KCNIP1: variants seen among roughly 807,000 people sequenced by gnomAD.
KCNIP1 encodes the protein A-type potassium channel modulatory protein KCNIP1.
Under a neutral mutation model 33.0 loss-of-function variants are expected in KCNIP1, and 18 were observed. The observed-to-expected ratio is 0.55, with a 90% CI of 0.38 to 0.81. KCNIP1 has a LOEUF of 0.81. KCNIP1 is among the 30% of genes least tolerant of loss of function. KCNIP1 has a pLI of 0.00. For missense variants in KCNIP1, 238 were observed against 271.6 expected (o/e 0.88, Z 0.87); for synonymous variants, 93 against 98.3 (o/e 0.95, Z 0.32).
chr5:170,584,038 C>A (rs997632238), intron 1 of KCNIP1, among the ~76,000 whole-genome samples: 9 of 152,140 alleles, frequency 5.9e-5, no homozygotes, highest in African/African-American at 1.2e-4. Context: ...GGGGCTGGAA[C>A]CCCCATCTGT....
chr5:170,572,118 A>G (rs1168770239), intron 1 of KCNIP1, among the ~76,000 whole-genome samples: 3 of 152,150 alleles, frequency 2.0e-5, no homozygotes, highest in Non-Finnish European at 4.4e-5. Context: ...CTGCTTCTCA[A>G]CCTCAGCCTG....
intron 1 of KCNIP1, among the ~76,000 whole-genome samples, chr5:170,624,733 G>GGGGGGGGGT: frequency 1.5e-5 from 1 of 67,480 alleles, no homozygotes; most frequent in East Asian, 6.3e-4. Context: ...CCGGGGAGGT[G>GGGGGGGGGT]GGGGGGGAGA....
At chr5:170,651,004 C>T (rs1237441180) in intron 1 of KCNIP1, among the ~76,000 whole-genome samples, 1 of 152,158 alleles carries the variant, frequency 6.6e-6, no homozygotes, top group Non-Finnish European at 1.5e-5. Flanking sequence ...AGCTTCTGAA[C>T]CCAAAGGAAT....
chr5:170,561,105 C>T (rs1182089727), intron 1 of KCNIP1: 1 of 456,048 alleles, frequency 2.2e-6, no homozygotes, highest in Admixed American at 2.3e-5. Context: ...CAAAGGGCAT[C>T]TGTAATTAAT....
intron 1 of KCNIP1, among the ~76,000 whole-genome samples, chr5:170,628,348 C>T (rs1759918465): frequency 6.6e-6 from 1 of 152,186 alleles, no homozygotes; most frequent in Non-Finnish European, 1.5e-5. Context: ...ATCCTCACAA[C>T]AGCCCACACT....
chr5:170,354,952 G>A (rs1763306183), intron 1 of KCNIP1, among the ~76,000 whole-genome samples: 1 of 152,198 alleles, frequency 6.6e-6, no homozygotes, highest in South Asian at 2.1e-4. Context: ...TTCAGGGAAG[G>A]AGCCCACAAA....
intron 1 of KCNIP1, chr5:170,385,205 G>T: frequency 8.3e-7 from 1 of 1,204,800 alleles, no homozygotes; most frequent in Non-Finnish European, 1.2e-6. Context: ...TGACCCTGCT[G>T]CCTTGAATGA....
chr5:170,517,770 ATGG>A (rs1181668056), intron 1 of KCNIP1, among the ~76,000 whole-genome samples: 2 of 144,604 alleles, frequency 1.4e-5, no homozygotes, highest in African/African-American at 2.7e-5. Flanking sequence ...GATGGTAGTG[ATGG>A]TGGTGGTGGT....
At chr5:170,387,256 A>C (rs1764513300) in intron 1 of KCNIP1, among the ~76,000 whole-genome samples, 2 of 152,212 alleles carry the variant, frequency 1.3e-5, no homozygotes, top group South Asian at 4.1e-4. Flanking sequence ...TCCCTAAAGT[A>C]ATAAACATAT....
intron 1 of KCNIP1, among the ~76,000 whole-genome samples, chr5:170,637,970 T>G (rs997475629): frequency 6.9e-6 from 1 of 145,066 alleles, no homozygotes; most frequent in African/African-American, 2.6e-5. Context: ...GATTTGTCAT[T>G]CTCCACCCTC....
At chr5:170,401,617 C>T (rs1024280481) in intron 1 of KCNIP1, among the ~76,000 whole-genome samples, 1 of 152,080 alleles carries the variant, frequency 6.6e-6, no homozygotes, top group Non-Finnish European at 1.5e-5. Flanking sequence ...TTTTAATGAG[C>T]CAGGCATGGT....
chr5:170,356,488 C>T (rs1406684963), intron 1 of KCNIP1, among the ~76,000 whole-genome samples: 2 of 152,186 alleles, frequency 1.3e-5, no homozygotes, highest in Admixed American at 1.3e-4. Flanking sequence ...GTCTAAGATG[C>T]CAGCTAGCCC....
intron 1 of KCNIP1, among the ~76,000 whole-genome samples, chr5:170,661,745 A>G (rs948825192): frequency 1.3e-5 from 2 of 152,162 alleles, no homozygotes; most frequent in Non-Finnish European, 2.9e-5. Context: ...CTACCCACTC[A>G]TGCATTCATT....
At chr5:170,367,369 GA>G (rs1561586769) in intron 1 of KCNIP1, among the ~76,000 whole-genome samples, 8 of 94,490 alleles carry the variant, frequency 8.5e-5, no homozygotes, top group Non-Finnish European at 1.3e-4. Context: ...AAGAAAGAAA[GA>G]AAGAAAGAAA....
At chr5:170,477,258 T>C (rs560178979) in intron 1 of KCNIP1, among the ~76,000 whole-genome samples, 3 of 151,910 alleles carry the variant, frequency 2.0e-5, no homozygotes, top group African/African-American at 7.2e-5. Flanking sequence ...AGAAAGTATA[T>C]GTTACTTGGA....
intron 1 of KCNIP1, among the ~76,000 whole-genome samples, chr5:170,645,436 T>C (rs1209402089): frequency 6.6e-6 from 1 of 152,198 alleles, no homozygotes; most frequent in Non-Finnish European, 1.5e-5. Flanking sequence ...ATCCTTAATG[T>C]GTGTGCACCT....
intron 4 of KCNIP1, 63 bp downstream of exon 4, chr5:170,721,966 C>T: frequency 6.3e-7 from 1 of 1,579,066 alleles, no homozygotes; most frequent in Non-Finnish European, 8.7e-7. Context: ...CCCTCTAAAT[C>T]TCAAGGCATT....
intron 1 of KCNIP1, among the ~76,000 whole-genome samples, chr5:170,693,289 C>T: frequency 6.6e-6 from 1 of 152,062 alleles, no homozygotes; most frequent in Non-Finnish European, 1.5e-5. Flanking sequence ...CAAGATGGAG[C>T]CAGGCTGACA....
At chr5:170,572,204 G>A (rs4242157) in intron 1 of KCNIP1, among the ~76,000 whole-genome samples, 61,277 of 152,040 alleles carry the variant, frequency 0.4, 13,222 homozygotes, top group Admixed American at 0.49. Context: ...GACTGTATGC[G>A]TAATGTCCCA....
Sources: allele counts gnomAD v4.1 joint callset (sites outside exome capture counted in the v4.1 genomes callset), GRCh38; gene constraint gnomAD v4.1.1; transcripts MANE v1.5; gene names NCBI Gene and HGNC (gene_info 2026-07-23, HGNC 2026-07-21).